The following ADAMTSL1 variants were observed in gnomAD, a reference collection of about 807,000 sequenced individuals.
ADAMTSL1 encodes the protein ADAMTS-like protein 1.
In ADAMTSL1, 126 loss-of-function variants were observed where a neutral mutation model predicts 201.8. The ratio of observed to expected loss-of-function variants is 0.62; its 90% CI spans 0.54 to 0.72. The LOEUF (loss-of-function observed/expected upper bound fraction) is 0.72. ADAMTSL1 is among the 30% of genes least tolerant of loss of function. ADAMTSL1 has a pLI of 0.00. For missense variants in ADAMTSL1, 2,679 were observed against 2,277.8 expected (o/e 1.18, Z -3.59); for synonymous variants, 1,121 against 903.4 (o/e 1.24, Z -4.32).
At chr9:17,954,114 A>C (rs761932720) in intron 1 of ADAMTSL1, among the ~76,000 whole-genome samples, 13 of 152,188 alleles carry the variant, frequency 8.5e-5, no homozygotes, top group Non-Finnish European at 1.3e-4. Flanking sequence ...TAATCTGTCT[A>C]TCACCTCATG....
intron 20 of ADAMTSL1, among the ~76,000 whole-genome samples, chr9:18,807,654 A>AC (rs1434586407): frequency 7.0e-6 from 1 of 143,520 alleles, no homozygotes; most frequent in Non-Finnish European, 1.5e-5. Context: ...TCAAAAAAAA[A>AC]AAAACAAAAA....
At chr9:18,183,854 C>A (rs767757993) in intron 2 of ADAMTSL1, among the ~76,000 whole-genome samples, 72 of 152,142 alleles carry the variant, frequency 4.7e-4, no homozygotes, top group Non-Finnish European at 7.5e-4. Context: ...GATAACTTTT[C>A]TATTATTTTG....
intron 4 of ADAMTSL1, among the ~76,000 whole-genome samples, chr9:18,606,540 T>C (rs1057422292): frequency 3.9e-5 from 6 of 152,206 alleles, no homozygotes; most frequent in Non-Finnish European, 7.3e-5. Context: ...CACTGTTTGC[T>C]TGAAAGTCCC....
At chr9:18,142,261 T>C (rs1700808804) in intron 1 of ADAMTSL1, among the ~76,000 whole-genome samples, 1 of 152,154 alleles carries the variant, frequency 6.6e-6, no homozygotes, top group Non-Finnish European at 1.5e-5. Flanking sequence ...CCAAATACAT[T>C]AGAATATCTG....
chr9:18,002,664 A>G (rs541758658), intron 1 of ADAMTSL1, among the ~76,000 whole-genome samples: 52 of 152,160 alleles, frequency 3.4e-4, no homozygotes, highest in Non-Finnish European at 4.6e-4. Context: ...CTTATAGGGT[A>G]TTATGAGGAT....
rs748848614 is a variant in ADAMTSL1, at chr9:18,777,862, C to G, written c.3633C>G (p.Thr1211=). The G allele has an allele frequency of 1.3e-6, 2 of 1,577,082 alleles. No homozygotes were observed. The highest frequency in any genetic ancestry group is 3.5e-5 in the Admixed American group (2 of 56,814). Reference sequence around the variant, plus strand: ...AGGCCATCGGCCACCCAAGGCCTACCATCAGCTGGGCCAGGAATGGAGAAG... The same window carrying G: ...AGGCCATCGGCCACCCAAGGCCTACGATCAGCTGGGCCAGGAATGGAGAAG... The part of the protein sequence containing the change: ...HCEAIGHPRP[T]ISWARNGEEV... The change falls in exon 19 of 29, where the codon ACC becomes ACG. Residue 1211 remains threonine, a synonymous_variant. Coordinates refer to ENST00000380548, the MANE Select transcript of ADAMTSL1 (RefSeq NM_001040272.6).
intron 1 of ADAMTSL1, among the ~76,000 whole-genome samples, chr9:18,128,961 A>G (rs1825844969): frequency 6.6e-6 from 1 of 152,242 alleles, no homozygotes; most frequent in Admixed American, 6.5e-5. Context: ...TAATAAAAAC[A>G]TAGAGGCAAT....
intron 1 of ADAMTSL1, among the ~76,000 whole-genome samples, chr9:18,501,429 T>C (rs1482973339): frequency 3.4e-5 from 5 of 149,234 alleles, no homozygotes; most frequent in Admixed American, 2.0e-4. Flanking sequence ...GAGGATCCCT[T>C]GAGCCCAGGA....
chr9:17,958,674 A>G (rs928650285), intron 1 of ADAMTSL1, among the ~76,000 whole-genome samples: 5 of 152,222 alleles, frequency 3.3e-5, no homozygotes, highest in African/African-American at 1.2e-4. Flanking sequence ...AAGGTGATTT[A>G]AAATTGGATT....
chr9:18,160,371 C>T (rs186245350), intron 1 of ADAMTSL1, among the ~76,000 whole-genome samples: 2 of 151,830 alleles, frequency 1.3e-5, no homozygotes, highest in African/African-American at 2.4e-5. Context: ...GGGTTGAATC[C>T]GGAAGAGATT....
chr9:17,990,613 CCTG>C (rs1819116501), intron 1 of ADAMTSL1, among the ~76,000 whole-genome samples: 1 of 151,946 alleles, frequency 6.6e-6, no homozygotes, highest in Admixed American at 6.6e-5. Context: ...TACTTAATTT[CCTG>C]GTTGTCACGT....
intron 2 of ADAMTSL1, among the ~76,000 whole-genome samples, chr9:18,166,313 G>A (rs191937420): frequency 2.0e-4 from 30 of 151,810 alleles, no homozygotes; most frequent in African/African-American, 7.2e-4. Context: ...GAATAGTCGT[G>A]GTGAGAAAAC....
chr9:18,342,265 C>T (rs1174366672), intron 2 of ADAMTSL1, among the ~76,000 whole-genome samples: 1 of 152,090 alleles, frequency 6.6e-6, no homozygotes. Context: ...TTTCCTGGAT[C>T]TTCCTTTGAG....
Position 18,024,242 on chromosome 9 carries a change from TTTTA to T in ADAMTSL1, c.87+117331_87+117334del, listed in dbSNP as rs568033483. Among the ~76,000 whole-genome samples, 22 of 152,188 alleles carry T rather than the reference TTTTA, an allele frequency of 1.4e-4. 1 individual carries two copies. The South Asian group carries it at 4.6e-3, about 32-fold the overall frequency. On this transcript the variant is annotated intron_variant, in intron 1 of 29. Transcript: ENST00000680146. ...ATATTAACATAAAAGGAAAATAGTGTTTTATTTATTTATTATCTTTTTATTGCAA... is the reference window on the plus strand; with the variant it reads ...ATATTAACATAAAAGGAAAATAGTGTTTTATTTATTATCTTTTTATTGCAA...
chr9:18,443,219 A>T (rs1820064863), intron 2 of ADAMTSL1, among the ~76,000 whole-genome samples: 1 of 150,310 alleles, frequency 6.7e-6, no homozygotes. Flanking sequence ...TAACTGGGTC[A>T]ATACTAAAGT....
chr9:18,718,196 C>G, intron 14 of ADAMTSL1: 2 of 780,402 alleles, frequency 2.6e-6, no homozygotes, highest in Non-Finnish European at 4.7e-6. Flanking sequence ...CAACAAGAAT[C>G]ATTGGAACAT....
At chr9:18,264,457 C>G (rs1194357845) in intron 2 of ADAMTSL1, among the ~76,000 whole-genome samples, 1 of 152,112 alleles carries the variant, frequency 6.6e-6, no homozygotes, top group Non-Finnish European at 1.5e-5. Flanking sequence ...GAAGAAGTGT[C>G]CCATTCAGAA....
intron 23 of ADAMTSL1, among the ~76,000 whole-genome samples, chr9:18,878,531 G>A (rs919167032): frequency 6.6e-6 from 1 of 152,202 alleles, no homozygotes; most frequent in Non-Finnish European, 1.5e-5. Flanking sequence ...TCCTGGTAAG[G>A]TCAAATCCTT....
chr9:18,129,253 T>G (rs1282105799), intron 1 of ADAMTSL1, among the ~76,000 whole-genome samples: 3 of 152,228 alleles, frequency 2.0e-5, no homozygotes, highest in Non-Finnish European at 4.4e-5. Context: ...TGAATGCTAA[T>G]ATGCTTCCTG....
Sources: allele counts gnomAD v4.1 joint callset (sites outside exome capture counted in the v4.1 genomes callset), GRCh38; gene constraint gnomAD v4.1.1; transcripts MANE v1.5; gene names NCBI Gene and HGNC (gene_info 2026-07-23, HGNC 2026-07-21).